The following TAFA1 variants were observed in gnomAD, a reference collection of about 807,000 sequenced individuals.
TAFA1 encodes the protein TAFA chemokine like family member 1.
Under a neutral mutation model 18.5 loss-of-function variants are expected in TAFA1, and 4 were observed. That is an observed-to-expected ratio of 0.22 (90% CI 0.11 to 0.49). The LOEUF is 0.49. Among genes scored for constraint, TAFA1 ranks in the 20% least tolerant of loss-of-function variants. TAFA1 has a pLI of 0.98. For synonymous variants in TAFA1, 56 were observed against 55.2 expected, an observed-to-expected ratio of 1.01 and a Z score of -0.06; for missense variants, 147 against 169.0, an observed-to-expected ratio of 0.87 and a Z score of 0.72.
chr3:68,189,342 G>T (rs895982097), intron 2 of TAFA1, among the ~76,000 whole-genome samples: 1 of 151,810 alleles, frequency 6.6e-6, no homozygotes, highest in African/African-American at 2.4e-5. Context: ...GTTAAATGTT[G>T]CTTCAGACTG....
intron 2 of TAFA1, among the ~76,000 whole-genome samples, chr3:68,205,393 C>T (rs149470542): frequency 3.5e-3 from 524 of 151,792 alleles, no homozygotes; most frequent in Non-Finnish European, 5.5e-3. Context: ...AAAATGACTA[C>T]GAGGGGATAT....
At chr3:67,995,846 C>G in the TAFA1 span, among the ~76,000 whole-genome samples, 1 of 152,208 alleles carries the variant, frequency 6.6e-6, no homozygotes. Flanking sequence ...CAGCCTCCTC[C>G]CTGCTCAGCC....
rs142143928 is a variant in TAFA1, at chr3:68,173,920, C to T, written c.118+167176C>T. 4.9e-3 allele frequency among the ~76,000 whole-genome samples: 751 copies of T among 152,068 alleles called. 9 individuals carry two copies. The highest frequency in any genetic ancestry group is 0.017 in the African/African-American group (713 of 41,482). On this transcript the variant is annotated intron_variant, in intron 2 of 4. Coordinates refer to ENST00000478136, the MANE Select transcript of TAFA1 (RefSeq NM_213609.4). Reference sequence around the variant, plus strand: ...TATTTAATTAAAAAAATATATATTTCTAACTTGCAAGAAAATGCATATTTT... The same window carrying T: ...TATTTAATTAAAAAAATATATATTTTTAACTTGCAAGAAAATGCATATTTT...
intron 2 of TAFA1, among the ~76,000 whole-genome samples, chr3:68,364,193 A>G (rs207463190): frequency 2.0e-5 from 3 of 152,174 alleles, no homozygotes; most frequent in Non-Finnish European, 4.4e-5. Context: ...AGCACTTAGG[A>G]CAGAAGGATA....
chr3:68,029,949 C>A (rs1448617642), intron 2 of TAFA1, among the ~76,000 whole-genome samples: 1 of 152,052 alleles, frequency 6.6e-6, no homozygotes, highest in Non-Finnish European at 1.5e-5. Flanking sequence ...TCTGAAAATG[C>A]CTGGGTAAGA....
In TAFA1 at chr3:68,417,809, G is replaced by A. The variant is rs376727836; in HGVS notation, c.259+389G>A. 1.6e-3 allele frequency among the ~76,000 whole-genome samples: 242 copies of A among 152,266 alleles called. 9 individuals carry two copies. The South Asian group carries it at 0.047, about 30-fold the overall frequency. On this transcript the variant is annotated intron_variant, in intron 3 of 4. Coordinates refer to ENST00000478136, the MANE Select transcript of TAFA1 (RefSeq NM_213609.4). ...CAGGCTGTACAGGAAGCATGGCTAC[G>A]GAGGCCCCAGGAAACTTTCAATCAC...
chr3:68,313,982 C>CT (rs1027796704), intron 2 of TAFA1, among the ~76,000 whole-genome samples: 1 of 152,004 alleles, frequency 6.6e-6, no homozygotes, highest in Non-Finnish European at 1.5e-5. Flanking sequence ...AAAAGGAATC[C>CT]TTTTTTTTCA....
At chr3:68,335,442 A>G (rs2068954587) in intron 2 of TAFA1, among the ~76,000 whole-genome samples, 2 of 152,202 alleles carry the variant, frequency 1.3e-5, no homozygotes, top group East Asian at 1.9e-4. Flanking sequence ...CAACTTTTCC[A>G]TACTCATGAT....
intron 3 of TAFA1, among the ~76,000 whole-genome samples, chr3:68,509,996 C>A (rs1418247312): frequency 2.0e-5 from 3 of 151,954 alleles, no homozygotes; most frequent in African/African-American, 7.3e-5. Context: ...ATTTTAAGTC[C>A]CCATTGTCTC....
intron 2 of TAFA1, among the ~76,000 whole-genome samples, chr3:68,288,249 G>T (rs926324504): frequency 1.9e-4 from 29 of 152,176 alleles, no homozygotes; most frequent in African/African-American, 6.8e-4. Context: ...ACAGAGCCGG[G>T]TTCCAGGCCC....
intron 2 of TAFA1, among the ~76,000 whole-genome samples, chr3:68,111,013 A>G (rs1047475451): frequency 2.6e-5 from 4 of 152,166 alleles, no homozygotes; most frequent in African/African-American, 7.2e-5. Context: ...CCAAATCTCA[A>G]TCTCTAACTC....
chr3:68,379,764 T>A (rs1039687449), intron 2 of TAFA1, among the ~76,000 whole-genome samples: 90 of 151,950 alleles, frequency 5.9e-4, no homozygotes, highest in Non-Finnish European at 7.4e-4. Flanking sequence ...CTTTTTTTTT[T>A]TAAATTTTAT....
intron 2 of TAFA1, among the ~76,000 whole-genome samples, chr3:68,130,789 C>A (rs1575634514): frequency 6.6e-6 from 1 of 152,104 alleles, no homozygotes; most frequent in South Asian, 2.1e-4. Flanking sequence ...TCCCTTCTCA[C>A]CAGCAGTTTG....
rs1232868954 is a variant in TAFA1 at position 68,338,832 on chromosome 3, G to A, written c.119-78448G>A. On this transcript the variant is annotated intron_variant, in intron 2 of 4. Transcript: ENST00000478136. The stretch of plus-strand genomic sequence containing the variant: ...AACTCACTGCCTTGAGACATTTGTT[G>A]TTTGCTTATGGGTTGGTGAGTTGTC... Among the ~76,000 whole-genome samples the A allele has an allele frequency of 7.2e-5, 11 of 152,150 alleles. No homozygotes were observed. The East Asian group carries it at 1.5e-3, about 21-fold the overall frequency.
chr3:68,041,621 A>G (rs1332839928), intron 2 of TAFA1, among the ~76,000 whole-genome samples: 3 of 152,192 alleles, frequency 2.0e-5, no homozygotes, highest in Non-Finnish European at 4.4e-5. Context: ...AGTGTCTGCT[A>G]TGTTAGGCAT....
intron 2 of TAFA1, among the ~76,000 whole-genome samples, chr3:68,158,319 C>T (rs1382868650): frequency 6.6e-6 from 1 of 152,080 alleles, no homozygotes; most frequent in Non-Finnish European, 1.5e-5. Flanking sequence ...ACTTTCTTAT[C>T]CATAACTCTG....
rs144659005 is a variant in TAFA1 at position 68,020,045 on chromosome 3, A to C, written c.118+13301A>C. 9.7e-4 allele frequency among the ~76,000 whole-genome samples: 147 copies of C among 152,326 alleles called. 3 individuals are homozygous for C. Among genetic ancestry groups the C allele is most frequent in the African/African-American group, 3.2e-3 (132 of 41,580 alleles). ...CCTCTTAGAAGAATCATCATCCAGCACTACTATATGTCACATACTGGGCTA... is the reference window on the plus strand; with the variant it reads ...CCTCTTAGAAGAATCATCATCCAGCCCTACTATATGTCACATACTGGGCTA... On this transcript the variant is annotated intron_variant, in intron 2 of 4. Transcript: ENST00000478136.
chr3:68,324,731 C>T lies in TAFA1; in HGVS notation c.119-92549C>T, dbSNP rs117668513. 0.01 allele frequency among the ~76,000 whole-genome samples: 1,573 copies of T among 152,248 alleles called. 84 individuals are homozygous for T. In the East Asian group the frequency reaches 0.17, roughly 16 times the overall value. On this transcript the variant is annotated intron_variant, in intron 2 of 4. Transcript: ENST00000478136. ...TCCCCCCATTAAAATGGCAAAACTG[C>T]AATTACTTTTGCACCAACTTGTAGA... is the stretch of plus-strand genomic sequence containing the variant.
At chr3:68,535,226 T>C (rs2073258038) in intron 3 of TAFA1, among the ~76,000 whole-genome samples, 1 of 152,166 alleles carries the variant, frequency 6.6e-6, no homozygotes, top group Non-Finnish European at 1.5e-5. Context: ...AGTTTTACAA[T>C]ATATTTTTGT....
Sources: gnomAD v4.1 joint callset for allele counts (sites outside exome capture counted in the v4.1 genomes callset) on GRCh38, gnomAD v4.1.1 for gene constraint, MANE v1.5 for transcripts, NCBI Gene and HGNC (gene_info 2026-07-23, HGNC 2026-07-21) for gene names.